Variants in EAF2 observed in about 807,000 individuals in gnomAD.
EAF2 encodes the protein ELL associated factor 2, also known as ELL-associated factor 2.
In EAF2, 29 loss-of-function variants were observed where a neutral mutation model predicts 29.4. That is an observed-to-expected ratio of 0.99 (90% CI 0.73 to 1.35). EAF2 has a LOEUF of 1.35. Among genes scored for constraint, EAF2 ranks in the 40% most tolerant of loss-of-function variants. The pLI is 0.00. For synonymous variants in EAF2, 103 were observed against 102.5 expected (o/e 1.00, Z -0.03); for missense variants, 292 against 312.0 (o/e 0.94, Z 0.48).
chr3:121,869,885 T>C (rs775023462), intron 4 of EAF2, among the ~76,000 whole-genome samples: 1 of 151,802 alleles, frequency 6.6e-6, no homozygotes, highest in Non-Finnish European at 1.5e-5. Flanking sequence ...TAAGACCCTA[T>C]CTAAAAAGAA....
At chr3:121,835,436 G>T in intron 1 of EAF2, 45 bp downstream of exon 1, 1 of 1,558,938 alleles carries the variant, frequency 6.4e-7, no homozygotes, top group Non-Finnish European at 8.8e-7. Flanking sequence ...CTCCCGGGAT[G>T]GGGGTGAAGA....
At chr3:121,854,967 TG>T in intron 3 of EAF2, 144 bp downstream of exon 3, 1 of 882,100 alleles carries the variant, frequency 1.1e-6, no homozygotes, top group East Asian at 3.4e-5. Context: ...AGTTTAAATT[TG>T]GTGGAGATCC....
chr3:121,869,716 AT>A (rs1264587369), intron 4 of EAF2, among the ~76,000 whole-genome samples: 17 of 148,012 alleles, frequency 1.1e-4, no homozygotes, highest in African/African-American at 1.5e-4. Flanking sequence ...AAAAAAAAAA[AT>A]TTTTTTTTTA....
intron 5 of EAF2, among the ~76,000 whole-genome samples, chr3:121,882,110 AG>A (rs1399946868): frequency 1.3e-5 from 2 of 152,126 alleles, no homozygotes; most frequent in African/African-American, 4.8e-5. Context: ...GCACTTTGGG[AG>A]GACGAGGCAG....
At chr3:121,850,807 C>T (rs1220305831) in intron 2 of EAF2, among the ~76,000 whole-genome samples, 1 of 152,058 alleles carries the variant, frequency 6.6e-6, no homozygotes, top group Non-Finnish European at 1.5e-5. Flanking sequence ...AGCAATTCTC[C>T]TGCCTCAGCT....
intron 2 of EAF2, among the ~76,000 whole-genome samples, chr3:121,847,165 G>A (rs919856507): frequency 5.3e-5 from 8 of 152,318 alleles, no homozygotes; most frequent in Non-Finnish European, 7.4e-5. Context: ...ACTAGACACA[G>A]TCAGTGTCCT....
chr3:121,846,945 A>G (rs1049483222), intron 2 of EAF2, among the ~76,000 whole-genome samples: 3 of 152,186 alleles, frequency 2.0e-5, no homozygotes, highest in East Asian at 1.9e-4. Flanking sequence ...CAGGAGGCCT[A>G]TGTTTTCAAG....
At chr3:121,847,204 C>T (rs189465198) in intron 2 of EAF2, among the ~76,000 whole-genome samples, 1 of 152,130 alleles carries the variant, frequency 6.6e-6, no homozygotes, top group Non-Finnish European at 1.5e-5. Context: ...ATGGGAGAGA[C>T]AGGAAATAAC....
chr3:121,854,748 T>C lies in EAF2; in HGVS notation c.263T>C (p.Ile88Thr), dbSNP rs757050821. 1 of 1,567,948 alleles carries C rather than the reference T, an allele frequency of 6.4e-7. No individual in the cohort carries two copies. Among genetic ancestry groups the C allele is most frequent in the East Asian group, 2.4e-5 (1 of 42,148 alleles). ...AAAAAACCTTACTTAAAAGAATGCA[T>C]TTTGATTATTAACCATGATACTGGA... is the stretch of plus-strand genomic sequence containing the variant. Reference protein sequence around the residue: ...GSKKPYLKECILIINHDTGEC... With the variant: ...GSKKPYLKECTLIINHDTGEC... Residue 88 changes from isoleucine to threonine, a missense_variant, in exon 3 of 6, where the codon ATT (isoleucine) becomes ACT (threonine). Transcript: ENST00000273668.
intron 4 of EAF2, among the ~76,000 whole-genome samples, chr3:121,870,373 A>G (rs1180829478): frequency 2.0e-5 from 3 of 152,190 alleles, no homozygotes; most frequent in South Asian, 4.1e-4. Flanking sequence ...ATTTAGGAGT[A>G]TGGATGAGGG....
intron 2 of EAF2, among the ~76,000 whole-genome samples, chr3:121,845,740 G>T (rs975090122): frequency 4.6e-5 from 7 of 151,794 alleles, no homozygotes; most frequent in Non-Finnish European, 8.8e-5. Flanking sequence ...GTTTTTGAAA[G>T]AACTTCAGCT....
intron 1 of EAF2, among the ~76,000 whole-genome samples, chr3:121,843,029 G>T (rs994224253): frequency 6.6e-6 from 1 of 152,070 alleles, no homozygotes; most frequent in Non-Finnish European, 1.5e-5. Flanking sequence ...TAAGCATCAA[G>T]ATCTTATTCA....
In EAF2 at chr3:121,857,148, T is replaced by G. The variant is rs1559822553; in HGVS notation, c.476T>G (p.Ile159Ser). ...TCCCCAGCATCTCCAATAGATGATA[T>G]CGAAAGAGGTAAAATCTAAGTATAT... is the stretch of plus-strand genomic sequence containing the variant. Reference protein sequence around the residue: ...KMSPASPIDDIERELKAEASL... With the variant: ...KMSPASPIDDSERELKAEASL... Residue 159 changes from isoleucine (I) to serine (S), a missense_variant, in exon 4 of 6, where the codon ATC (isoleucine) becomes AGC (serine). Ile to Ser is a moderately radical substitution (Grantham distance 142). Transcript: ENST00000273668. The G allele has an allele frequency of 2.5e-6, 4 of 1,608,628 alleles. No homozygotes were observed. The highest frequency in any genetic ancestry group is 3.4e-6 in the Non-Finnish European group (4 of 1,178,138).
intron 4 of EAF2, among the ~76,000 whole-genome samples, chr3:121,860,319 A>T (rs1481717336): frequency 6.6e-6 from 1 of 152,108 alleles, no homozygotes; most frequent in East Asian, 1.9e-4. Flanking sequence ...TTTGATTGGT[A>T]GGCTATTAAT....
intron 1 of EAF2, among the ~76,000 whole-genome samples, chr3:121,840,720 T>C (rs1328692842): frequency 7.4e-6 from 1 of 135,982 alleles, no homozygotes; most frequent in East Asian, 2.2e-4. Flanking sequence ...GGCAGGACAA[T>C]GGCATGGACC....
chr3:121,849,865 C>A (rs911462212), intron 2 of EAF2, among the ~76,000 whole-genome samples: 1 of 150,908 alleles, frequency 6.6e-6, no homozygotes, highest in Non-Finnish European at 1.5e-5. Context: ...TTAATTATTA[C>A]AAAATAACAT....
At chr3:121,841,306 C>T (rs945426653) in intron 1 of EAF2, among the ~76,000 whole-genome samples, 1 of 150,760 alleles carries the variant, frequency 6.6e-6, no homozygotes, top group African/African-American at 2.4e-5. Context: ...GAGTTCAAGA[C>T]CAGCCTGACC....
intron 4 of EAF2, among the ~76,000 whole-genome samples, chr3:121,866,939 A>C (rs1708937691): frequency 6.6e-6 from 1 of 152,176 alleles, no homozygotes; most frequent in African/African-American, 2.4e-5. Context: ...CAAATGAAAA[A>C]CAAAATAGAA....
At chr3:121,862,400 C>T (rs1346712989) in intron 4 of EAF2, among the ~76,000 whole-genome samples, 1 of 152,206 alleles carries the variant, frequency 6.6e-6, no homozygotes, top group African/African-American at 2.4e-5. Context: ...AACTTCTCTT[C>T]TCACTTCATT....
Sources: gnomAD v4.1 joint callset for allele counts (sites outside exome capture counted in the v4.1 genomes callset) on GRCh38, gnomAD v4.1.1 for gene constraint, MANE v1.5 for transcripts, NCBI Gene and HGNC (gene_info 2026-07-23, HGNC 2026-07-21) for gene names.